The following HNRNPK variants were observed in gnomAD, a reference collection of about 807,000 sequenced individuals.
HNRNPK encodes the protein heterogeneous nuclear ribonucleoprotein K.
In HNRNPK, 7 loss-of-function variants were observed where a neutral mutation model predicts 67.0. That is an observed-to-expected ratio of 0.10 (90% confidence interval 0.06 to 0.20). The LOEUF is 0.20. Among genes scored for constraint, HNRNPK ranks in the 10% least tolerant of loss-of-function variants. The probability of loss-of-function intolerance (pLI) is 1.00; values close to 1 mark genes in which losing one functional copy is unlikely to be tolerated. For missense variants in HNRNPK, 264 were observed against 606.5 expected (o/e 0.44, Z 5.93); for synonymous variants, 213 against 193.7 (o/e 1.10, Z -0.83).
chr9:83,977,294 C>T (rs1564069034), intron 4 of HNRNPK, among the ~76,000 whole-genome samples: 2 of 152,128 alleles, frequency 1.3e-5, no homozygotes, highest in Non-Finnish European at 2.9e-5. Flanking sequence ...TAAAATAAAA[C>T]TAAGCACAGA....
chr9:83,975,697 T>C, intron 5 of HNRNPK, 192 bp from the exon 6 acceptor site: 1 of 641,770 alleles, frequency 1.6e-6, no homozygotes, highest in South Asian at 1.7e-5. Context: ...ATCCAGTACA[T>C]GGGCAACGGA....
chr9:83,976,100 A>G (rs535123539), intron 5 of HNRNPK, among the ~76,000 whole-genome samples: 2 of 152,292 alleles, frequency 1.3e-5, no homozygotes, highest in South Asian at 2.1e-4. Context: ...ACCCTAACTA[A>G]TAAGACTGGT....
chr9:83,969,767 G>A (rs759165324), intron 16 of HNRNPK: 2 of 654,870 alleles, frequency 3.1e-6, no homozygotes, highest in Admixed American at 3.7e-5. Flanking sequence ...CATGGCCTGT[G>A]CCATATGGCA....
rs774129105 is a variant in HNRNPK, at chr9:83,975,488, T to C, written c.231A>G (p.Ser77=). 1 of 1,613,874 alleles carries C rather than the reference T, an allele frequency of 6.2e-7. No individual in the cohort carries two copies. Among genetic ancestry groups the C allele is most frequent in the Non-Finnish European group, 8.5e-7 (1 of 1,179,706 alleles). ...GCTCGGGGCCACTGCTGTCTGGGAC[T>C]GAAACACTGGCATTGTACTGCATTG... is the stretch of plus-strand genomic sequence containing the variant. ...ALRTDYNASV[S]VPDSSGPERI... is the part of the protein sequence containing the mutation. Residue 77 remains serine, a synonymous_variant, in exon 6 of 17, where the codon TCA becomes TCG. Coordinates refer to ENST00000376263, the MANE Select transcript of HNRNPK (RefSeq NM_031263.4).
intron 12 of HNRNPK, 123 bp from the exon 13 acceptor site, chr9:83,971,479 G>A: frequency 1.2e-6 from 1 of 805,282 alleles, no homozygotes; most frequent in Non-Finnish European, 2.1e-6. Flanking sequence ...CAGCAATTTT[G>A]TAATCGAGGG....
intron 5 of HNRNPK, chr9:83,975,832 T>C (rs1269361536): frequency 1.5e-5 from 5 of 333,574 alleles, no homozygotes; most frequent in Non-Finnish European, 2.8e-5. Flanking sequence ...AACACAATAA[T>C]GGACTTCTCT....
At chr9:83,972,278 G>GT (rs757946472) in intron 10 of HNRNPK, 89 bp from the exon 11 acceptor site, 35 of 975,128 alleles carry the variant, frequency 3.6e-5, no homozygotes, top group Non-Finnish European at 5.2e-5. Flanking sequence ...CAAACAAAAT[G>GT]TAAGTCATTC....
At chr9:83,969,941 T>C (rs1588409373) in intron 16 of HNRNPK, 1 of 652,272 alleles carries the variant, frequency 1.5e-6, no homozygotes, top group East Asian at 3.1e-5. Flanking sequence ...AATGAGAAGT[T>C]TGCTTGGTTA....
At chr9:83,973,769 G>GT (rs1368803390) in intron 8 of HNRNPK, 133 bp downstream of exon 8, 87 of 666,722 alleles carry the variant, frequency 1.3e-4, no homozygotes, top group Middle Eastern at 8.5e-4. Flanking sequence ...ACAGTGAGTT[G>GT]TAAGACCATT....
chr9:83,972,996 AT>A lies in HNRNPK; in HGVS notation c.517-25del, dbSNP rs765317598. ...TTCTGTAGTAAGATCATAAAAAAAA[AT>A]AATAATAATTAGAAGAAAATTAGCT... On this transcript the variant is annotated intron_variant, in intron 9 of 16. Coordinates refer to ENST00000376263, the MANE Select transcript of HNRNPK (RefSeq NM_031263.4). The A allele has an allele frequency of 3.8e-5, 57 of 1,515,420 alleles. No homozygotes were observed. In the African/African-American group the frequency reaches 5.1e-4, roughly 14 times the overall value. 93.9% of individuals were successfully genotyped at this position (1,515,420 alleles called of 1,614,324 possible).
rs1385242478 is a variant in HNRNPK, at chr9:83,972,790, GGTT to G, written c.645+51_645+53del. The G allele has an allele frequency of 6.1e-4, 860 of 1,413,294 alleles. 6 individuals are homozygous for G. In the East Asian group the frequency reaches 0.018, roughly 30 times the overall value. The allele number at this position is 1,413,294 out of a possible 1,614,324, so 87.5% of individuals were successfully genotyped here. Reference sequence around the variant, plus strand: ...ATGCTCTGAAGCTACTTTTGCAGAAGGTTATCACTTTGTTTCATAAAATCAAAT... The same window carrying G: ...ATGCTCTGAAGCTACTTTTGCAGAAGATCACTTTGTTTCATAAAATCAAAT... On this transcript the variant is annotated intron_variant, in intron 10 of 16. Coordinates refer to ENST00000376263, the MANE Select transcript of HNRNPK (RefSeq NM_031263.4).
intron 7 of HNRNPK, 141 bp from the exon 8 acceptor site, chr9:83,974,114 G>A (rs571751329): frequency 1.8e-6 from 1 of 545,872 alleles, no homozygotes; most frequent in African/African-American, 1.9e-5. Context: ...ACATTAAGAC[G>A]ATTCAAAACA....
chr9:83,974,000 G>C (rs897505515), intron 7 of HNRNPK, 27 bp from the exon 8 acceptor site: 1 of 1,521,126 alleles, frequency 6.6e-7, no homozygotes, highest in Non-Finnish European at 9.1e-7. Context: ...AAGAGTAATA[G>C]GTTAAGTGTC....
At chr9:83,970,381 A>G in intron 15 of HNRNPK, 50 bp from the exon 16 acceptor site, 2 of 1,373,266 alleles carry the variant, frequency 1.5e-6, no homozygotes, top group South Asian at 1.3e-5. Flanking sequence ...TTTAACATTT[A>G]CTACCTGTAT....
At chr9:83,969,911 G>A in intron 16 of HNRNPK, 1 of 625,108 alleles carries the variant, frequency 1.6e-6, no homozygotes, top group Non-Finnish European at 3.0e-6. Context: ...AGTGGTTTTG[G>A]CAGCAGTTTT....
Position 83,968,136 on chromosome 9 carries a change from G to C in HNRNPK, c.*1271C>G, listed in dbSNP as rs1325890785. On this transcript the variant is annotated 3_prime_UTR_variant, in exon 17 of 17. Coordinates refer to ENST00000376263, the MANE Select transcript of HNRNPK (RefSeq NM_031263.4). ...GAGGAACGTTTCAACAAATTTTACAGGTGTCAATCAACCCTTGTTCAAATC... is the reference window on the plus strand; with the variant it reads ...GAGGAACGTTTCAACAAATTTTACACGTGTCAATCAACCCTTGTTCAAATC... The C allele has an allele frequency of 6.6e-6, 1 of 152,492 alleles. No individual in the cohort carries two copies. Among genetic ancestry groups the C allele is most frequent in the African/African-American group, 2.4e-5 (1 of 41,402 alleles). The allele number at this position is 152,492 out of a possible 1,614,324, so 9.4% of individuals were successfully genotyped here.
intron 1 of HNRNPK, among the ~76,000 whole-genome samples, chr9:83,979,439 G>A (rs900726093): frequency 7.2e-5 from 11 of 152,224 alleles, no homozygotes; most frequent in Non-Finnish European, 1.0e-4. Flanking sequence ...CACCCTTCGG[G>A]TCCTGCAGTC....
Position 83,977,047 on chromosome 9 carries a change from G to T in HNRNPK, c.161C>A (p.Ala54Asp). The T allele has an allele frequency of 6.2e-7, 1 of 1,609,274 alleles. No homozygotes were observed. The highest frequency in any genetic ancestry group is 1.3e-5 in the African/African-American group (1 of 74,936). Residue 54 changes from alanine to aspartate, a missense_variant, in exon 5 of 17, where the codon GCT becomes GAT. Transcript: ENST00000376263. ...GCCTCCTTTTCCAATCACTGCCCCA[G>T]CATTCTGGAGAAGATACAAAGACAA... ...ELRILLQSKN[A>D]GAVIGKGGKN... is the part of the protein sequence containing the mutation.
chr9:83,974,001 GT>G (rs1956963171), intron 7 of HNRNPK, 28 bp from the exon 8 acceptor site: 6 of 1,508,280 alleles, frequency 4.0e-6, no homozygotes, highest in Non-Finnish European at 5.5e-6. Flanking sequence ...AGAGTAATAG[GT>G]TAAGTGTCTA....
Sources: allele counts gnomAD v4.1 joint callset (sites outside exome capture counted in the v4.1 genomes callset), GRCh38; gene constraint gnomAD v4.1.1; transcripts MANE v1.5; gene names NCBI Gene and HGNC (gene_info 2026-07-23, HGNC 2026-07-21).